The following SYT17 variants were observed in gnomAD, a reference collection of about 807,000 sequenced individuals.
SYT17 encodes synaptotagmin-17.
SYT17 carries 22 observed loss-of-function variants against 46.7 expected under a neutral mutation model. The observed-to-expected ratio is 0.47, with a 90% CI of 0.34 to 0.67. The LOEUF (loss-of-function observed/expected upper bound fraction) is 0.67, where lower values mean the gene tolerates loss of function less well. SYT17 is among the 30% of genes least tolerant of loss of function. SYT17 has a pLI of 0.01. For missense variants in SYT17, 519 were observed against 612.8 expected, an observed-to-expected ratio of 0.85 and a Z score of 1.62; for synonymous variants, 251 against 248.4, an observed-to-expected ratio of 1.01 and a Z score of -0.10.
chr16:19,180,320 C>A, intron 3 of SYT17, 71 bp from the exon 4 acceptor site: 3 of 1,568,148 alleles, frequency 1.9e-6, no homozygotes, highest in Non-Finnish European at 1.7e-6. Flanking sequence ...TGGGTCTTAA[C>A]CCCCAAGGGA....
At chr16:19,176,096 G>A (rs1964303060) in intron 3 of SYT17, among the ~76,000 whole-genome samples, 1 of 152,166 alleles carries the variant, frequency 6.6e-6, no homozygotes, top group Non-Finnish European at 1.5e-5. Flanking sequence ...GATGGCTTCA[G>A]GCATAGCTGG....
At chr16:19,243,535 C>T (rs1268112202) in intron 7 of SYT17, among the ~76,000 whole-genome samples, 8 of 152,040 alleles carry the variant, frequency 5.3e-5, no homozygotes, top group South Asian at 2.1e-4. Flanking sequence ...TCTGGCTGGG[C>T]GCAGTGGCTC....
intron 3 of SYT17, among the ~76,000 whole-genome samples, chr16:19,177,464 A>C (rs767829816): frequency 2.0e-5 from 3 of 152,226 alleles, no homozygotes; most frequent in African/African-American, 4.8e-5. Flanking sequence ...ATCATTCAGA[A>C]AGTAAATTTA....
chr16:19,260,190 A>T (rs1395795927), intron 7 of SYT17, among the ~76,000 whole-genome samples: 2 of 152,002 alleles, frequency 1.3e-5, no homozygotes, highest in Non-Finnish European at 2.9e-5. Flanking sequence ...TTCTTACCAG[A>T]TTTAAAGAGT....
intron 5 of SYT17, among the ~76,000 whole-genome samples, chr16:19,184,377 G>C (rs1403878574): frequency 6.6e-6 from 1 of 151,414 alleles, no homozygotes; most frequent in Non-Finnish European, 1.5e-5. Flanking sequence ...CTAACCTAGA[G>C]CTTACTCAGA....
intron 5 of SYT17, among the ~76,000 whole-genome samples, chr16:19,218,078 CT>C (rs1567217326): frequency 6.6e-6 from 1 of 152,148 alleles, no homozygotes; most frequent in East Asian, 1.9e-4. Context: ...AGCTTGAATT[CT>C]TTCATCTGCA....
At chr16:19,247,610 A>C (rs935240533) in intron 7 of SYT17, among the ~76,000 whole-genome samples, 1 of 152,236 alleles carries the variant, frequency 6.6e-6, no homozygotes, top group African/African-American at 2.4e-5. Context: ...GTTTTAGCTC[A>C]GGGAGGTCCC....
intron 6 of SYT17, among the ~76,000 whole-genome samples, chr16:19,223,741 G>C (rs1051187712): frequency 1.3e-5 from 2 of 152,128 alleles, no homozygotes; most frequent in Admixed American, 1.3e-4. Context: ...CTCTAAGTGC[G>C]GTAGCTAAAA....
intron 7 of SYT17, among the ~76,000 whole-genome samples, chr16:19,262,540 A>G (rs899972665): frequency 1.3e-5 from 2 of 151,948 alleles, no homozygotes; most frequent in Admixed American, 1.3e-4. Flanking sequence ...GAAAAAGTCC[A>G]AGAGAGACCA....
chr16:19,258,721 C>A (rs1459497357), intron 7 of SYT17, among the ~76,000 whole-genome samples: 1 of 152,132 alleles, frequency 6.6e-6, no homozygotes, highest in Non-Finnish European at 1.5e-5. Context: ...ATGATAGGAG[C>A]TACCAAGCAT....
chr16:19,174,303 G>A (rs1964227134), intron 3 of SYT17, among the ~76,000 whole-genome samples: 1 of 152,212 alleles, frequency 6.6e-6, no homozygotes, highest in African/African-American at 2.4e-5. Flanking sequence ...CTCCGTGACT[G>A]AGAGAGGGAC....
chr16:19,202,969 C>A (rs1052223792), intron 5 of SYT17, among the ~76,000 whole-genome samples: 12 of 152,230 alleles, frequency 7.9e-5, no homozygotes, highest in African/African-American at 2.9e-4. Flanking sequence ...CCCTCCACCT[C>A]GACCTCTGTA....
intron 5 of SYT17, 75 bp from the exon 6 acceptor site, chr16:19,222,970 A>G: frequency 8.2e-6 from 13 of 1,587,414 alleles, no homozygotes; most frequent in Middle Eastern, 3.4e-4. Flanking sequence ...AGCTGCTGCA[A>G]TCAATTTCTT....
chr16:19,267,202 CACAG>C lies in SYT17; in HGVS notation c.*130_*133del. On this transcript the variant is annotated 3_prime_UTR_variant, in exon 8 of 8. Transcript: ENST00000355377. ...CAACATGTCTACACACGTCCACACA[CACAG>C]ACACACAGATACCCCAAATCCTCTC... is the stretch of plus-strand genomic sequence containing the variant. 3 of 796,948 alleles carry C rather than the reference CACAG, an allele frequency of 3.8e-6. No individual in the cohort carries two copies. Among genetic ancestry groups the C allele is most frequent in the Non-Finnish European group, 5.7e-6 (3 of 526,468 alleles). The allele number at this position is 796,948 out of a possible 1,614,324, so 49.4% of individuals were successfully genotyped here.
At chr16:19,236,948 AG>A (rs1966856830) in intron 7 of SYT17, among the ~76,000 whole-genome samples, 3 of 152,318 alleles carry the variant, frequency 2.0e-5, no homozygotes, top group African/African-American at 7.2e-5. Context: ...GTGATCCTAG[AG>A]CCCCAATCAT....
intron 7 of SYT17, among the ~76,000 whole-genome samples, chr16:19,232,142 C>T (rs1966720337): frequency 6.6e-6 from 1 of 152,122 alleles, no homozygotes; most frequent in South Asian, 2.1e-4. Context: ...CATGAAAGAC[C>T]CCCACACCCT....
intron 5 of SYT17, among the ~76,000 whole-genome samples, chr16:19,187,645 C>T (rs1567203522): frequency 6.6e-6 from 1 of 152,166 alleles, no homozygotes; most frequent in African/African-American, 2.4e-5. Flanking sequence ...AGAATATGCT[C>T]CTATTGCCCA....
At chr16:19,261,444 G>C (rs1424828001) in intron 7 of SYT17, among the ~76,000 whole-genome samples, 1 of 152,238 alleles carries the variant, frequency 6.6e-6, no homozygotes, top group Non-Finnish European at 1.5e-5. Flanking sequence ...TGATTCACCA[G>C]CCAAGTTACT....
chr16:19,250,709 G>A (rs954771479), intron 7 of SYT17, among the ~76,000 whole-genome samples: 36 of 134,864 alleles, frequency 2.7e-4, no homozygotes, highest in African/African-American at 7.3e-4. Flanking sequence ...ACCACCATGC[G>A]TGGCCCCATT....
Sources: gnomAD v4.1 joint callset for allele counts (sites outside exome capture counted in the v4.1 genomes callset) on GRCh38, gnomAD v4.1.1 for gene constraint, MANE v1.5 for transcripts, NCBI Gene and HGNC (gene_info 2026-07-23, HGNC 2026-07-21) for gene names.